Variants in HAUS6 observed in about 807,000 individuals in gnomAD.
HAUS6 encodes HAUS augmin-like complex subunit 6.
In HAUS6, 80 loss-of-function variants were observed where a neutral mutation model predicts 106.8. That is an observed-to-expected ratio of 0.75 (90% CI 0.63 to 0.90). HAUS6 has a LOEUF of 0.90. HAUS6 is among the 40% of genes least tolerant of loss of function. The pLI, the probability that HAUS6 is intolerant of heterozygous loss-of-function variation, is 0.00. For missense variants in HAUS6, 1,155 were observed against 1,118.1 expected, an observed-to-expected ratio of 1.03 and a Z score of -0.47; for synonymous variants, 356 against 379.1, an observed-to-expected ratio of 0.94 and a Z score of 0.71.
chr9:19,098,601 T>C (rs1355001292), intron 1 of HAUS6, among the ~76,000 whole-genome samples: 2 of 152,298 alleles, frequency 1.3e-5, no homozygotes, highest in African/African-American at 4.8e-5. Flanking sequence ...CCTAAATAAT[T>C]AACTGCAAAG....
Position 19,068,510 on chromosome 9 carries a change from C to A in HAUS6, c.1376+1709G>T, listed in dbSNP as rs139818199. On this transcript the variant is annotated intron_variant, in intron 12 of 16. Coordinates refer to ENST00000380502, the MANE Select transcript of HAUS6 (RefSeq NM_017645.5). ...AACTAGATTACTGCAGAACCAATTA[C>A]CAATAACTCAATTTTACAAAAAAAG... 3.7e-3 allele frequency among the ~76,000 whole-genome samples: 567 copies of A among 152,244 alleles called. 4 individuals carry two copies. The highest frequency in any genetic ancestry group is 0.013 in the African/African-American group (542 of 41,548).
intron 4 of HAUS6, 73 bp from the exon 5 acceptor site, chr9:19,089,632 AGT>A: frequency 8.9e-7 from 1 of 1,129,310 alleles, no homozygotes; most frequent in Non-Finnish European, 1.3e-6. Flanking sequence ...AATGAACATT[AGT>A]GTCACTAACG....
Position 19,056,198 on chromosome 9 carries a change from A to T in HAUS6, c.*145T>A, listed in dbSNP as rs1438904537. The T allele has an allele frequency of 1.9e-6, 1 of 521,236 alleles. No individual in the cohort carries two copies. Among genetic ancestry groups the T allele is most frequent in the Non-Finnish European group, 3.4e-6 (1 of 291,070 alleles). 32.3% of individuals were successfully genotyped at this position (521,236 alleles called of 1,614,324 possible). ...TACTTTCCTTACCTAAAAATATTAA[A>T]GAAGGCTAAAAGGCATTAGGAATTT... is the stretch of plus-strand genomic sequence containing the variant. On this transcript the variant is annotated 3_prime_UTR_variant, in exon 17 of 17. Coordinates refer to ENST00000380502, the MANE Select transcript of HAUS6 (RefSeq NM_017645.5).
At chr9:19,063,795 G>C (rs1197872431) in intron 12 of HAUS6, 1 of 718,496 alleles carries the variant, frequency 1.4e-6, no homozygotes, top group Non-Finnish European at 2.6e-6. Context: ...CAATTATGAA[G>C]ACTTTACTTA....
At chr9:19,098,622 C>T (rs560088169) in intron 1 of HAUS6, among the ~76,000 whole-genome samples, 4 of 152,080 alleles carry the variant, frequency 2.6e-5, no homozygotes. Flanking sequence ...CGCTTCTTCC[C>T]CTTCTATCTA....
intron 10 of HAUS6, 113 bp from the exon 11 acceptor site, chr9:19,076,817 C>T (rs759948159): frequency 9.1e-5 from 57 of 624,990 alleles, no homozygotes; most frequent in Non-Finnish European, 1.6e-4. Context: ...GTCAGAATTA[C>T]CAAGAATGTA....
intron 3 of HAUS6, among the ~76,000 whole-genome samples, chr9:19,093,877 G>T (rs1226465200): frequency 6.6e-6 from 1 of 151,906 alleles, no homozygotes; most frequent in Non-Finnish European, 1.5e-5. Flanking sequence ...TCAAAAAAAA[G>T]TAATAATAAA....
intron 1 of HAUS6, among the ~76,000 whole-genome samples, chr9:19,102,145 G>C (rs1007359225): frequency 2.0e-5 from 3 of 151,944 alleles, no homozygotes; most frequent in Non-Finnish European, 4.4e-5. Context: ...ACCTTCAAAG[G>C]CTCCCTTGAG....
chr9:19,080,079 C>T (rs1373786342), intron 9 of HAUS6, among the ~76,000 whole-genome samples: 2 of 145,324 alleles, frequency 1.4e-5, no homozygotes, highest in African/African-American at 2.6e-5. Flanking sequence ...GAGGCTGAGG[C>T]AGGAGAATCA....
Position 19,054,649 on chromosome 9 carries a change from A to C in HAUS6, c.*1694T>G, listed in dbSNP as rs1836431868. 6.6e-6 allele frequency: 1 copy of C among 152,210 alleles called. No homozygotes were observed. Among genetic ancestry groups the C allele is most frequent in the Non-Finnish European group, 1.5e-5 (1 of 68,028 alleles). The allele number at this position is 152,210 out of a possible 1,614,324, so 9.4% of individuals were successfully genotyped here. A position where few individuals can be genotyped will look rare whatever the true frequency, so the allele number is the denominator to read the frequency against. ...GGTGGCCAACTTGAGCTTCCCTATC[A>C]GATAGTTACCAATCTCTACCCAAGT... On this transcript the variant is annotated 3_prime_UTR_variant, in exon 17 of 17. Transcript: ENST00000380502.
chr9:19,086,514 G>A (rs1159310470), intron 7 of HAUS6, among the ~76,000 whole-genome samples: 2 of 151,834 alleles, frequency 1.3e-5, no homozygotes, highest in Non-Finnish European at 2.9e-5. Context: ...CAGCTACTTA[G>A]GAGGCTGAGG....
In HAUS6 at chr9:19,063,501, T is replaced by C. The variant is rs1179696773; in HGVS notation, c.1443+13A>G. 2 of 1,394,062 alleles carry C rather than the reference T, an allele frequency of 1.4e-6. No individual in the cohort carries two copies. Among genetic ancestry groups the C allele is most frequent in the African/African-American group, 1.4e-5 (1 of 69,736 alleles). The allele number at this position is 1,394,062 out of a possible 1,614,324, so 86.4% of individuals were successfully genotyped here. A position where few individuals can be genotyped will look rare whatever the true frequency, so the allele number is the denominator to read the frequency against. ...ATGGTCCAGAATTAATTGAGACTTATTTTAAAATATACCTTTTCAAGTACT... is the reference window on the plus strand; with the variant it reads ...ATGGTCCAGAATTAATTGAGACTTACTTTAAAATATACCTTTTCAAGTACT... On this transcript the variant is annotated intron_variant, in intron 13 of 16. Transcript: ENST00000380502.
intron 10 of HAUS6, among the ~76,000 whole-genome samples, chr9:19,077,288 A>C (rs1302117307): frequency 6.6e-6 from 1 of 152,242 alleles, no homozygotes; most frequent in Non-Finnish European, 1.5e-5. Context: ...TAATCCCAGC[A>C]CTTTGGGAGG....
chr9:19,066,710 G>C (rs1051829881), intron 12 of HAUS6, among the ~76,000 whole-genome samples: 4 of 150,830 alleles, frequency 2.7e-5, no homozygotes, highest in Non-Finnish European at 4.4e-5. Context: ...ACCAGAAATG[G>C]AAGCCAGGCA....
At chr9:19,087,679 C>T (rs1359562674) in intron 5 of HAUS6, among the ~76,000 whole-genome samples, 1 of 151,676 alleles carries the variant, frequency 6.6e-6, no homozygotes, top group Non-Finnish European at 1.5e-5. Context: ...CAAAGCAAGA[C>T]CCTGTCTCTA....
At chr9:19,059,252 C>T (rs887057440) in intron 15 of HAUS6, among the ~76,000 whole-genome samples, 1 of 152,180 alleles carries the variant, frequency 6.6e-6, no homozygotes, top group Non-Finnish European at 1.5e-5. Flanking sequence ...TTACACAGCA[C>T]ATATGAATTA....
chr9:19,081,835 C>A (rs567177480), intron 8 of HAUS6, among the ~76,000 whole-genome samples: 33 of 151,288 alleles, frequency 2.2e-4, no homozygotes, highest in Middle Eastern at 3.4e-3. Context: ...GGGGCCGAGG[C>A]AAGAGGATCA....
Position 19,082,990 on chromosome 9 carries a change from C to G in HAUS6, c.753G>C (p.Glu251Asp), listed in dbSNP as rs146901356. 1 of 1,589,838 alleles carries G rather than the reference C, an allele frequency of 6.3e-7. No individual in the cohort carries two copies. Among genetic ancestry groups the G allele is most frequent in the African/African-American group, 1.4e-5 (1 of 73,666 alleles). Residue 251 changes from glutamate (E) to aspartate (D), a missense_variant, in exon 8 of 17, where the codon GAG (glutamate) becomes GAC (aspartate). Around this residue, in one of 3 missense-constraint regions of HAUS6, gnomAD observed 761 missense variants for 690.0 expected, o/e 1.10. Coordinates refer to ENST00000380502, the MANE Select transcript of HAUS6 (RefSeq NM_017645.5). ...VNETLMFLEK[E>D]REVVSSVLSL... is the part of the protein sequence containing the mutation. ...TAAGGACCGAACTAACAACTTCTCTCTCTTTTTCCAAAAACATGAGCGTTT... is the reference window on the plus strand; with the variant it reads ...TAAGGACCGAACTAACAACTTCTCTGTCTTTTTCCAAAAACATGAGCGTTT...
chr9:19,061,344 C>A (rs1175592448), intron 14 of HAUS6, among the ~76,000 whole-genome samples: 1 of 152,160 alleles, frequency 6.6e-6, no homozygotes, highest in East Asian at 1.9e-4. Context: ...TTAAGACTTT[C>A]CTCTTCTATC....
Sources: allele counts gnomAD v4.1 joint callset (sites outside exome capture counted in the v4.1 genomes callset), GRCh38; gene constraint gnomAD v4.1.1; regional missense constraint gnomAD v4.1.1; transcripts MANE v1.5; gene names NCBI Gene and HGNC (gene_info 2026-07-23, HGNC 2026-07-21).